NEK5: variants seen among roughly 807,000 people sequenced by gnomAD.
NEK5 encodes the protein NIMA related kinase 5.
Under a neutral mutation model 109.2 loss-of-function variants are expected in NEK5, and 88 were observed. The observed-to-expected ratio is 0.81, with a 90% CI of 0.68 to 0.96. The LOEUF (loss-of-function observed/expected upper bound fraction) is 0.96, where lower values mean the gene tolerates loss of function less well. Ranked by LOEUF, NEK5 falls within the 40% of genes least tolerant of loss-of-function variation. The probability of loss-of-function intolerance (pLI) is 0.00; values close to 1 mark genes in which losing one functional copy is unlikely to be tolerated. For synonymous variants in NEK5, 283 were observed against 299.9 expected (o/e 0.94, Z 0.58); for missense variants, 834 against 920.7 (o/e 0.91, Z 1.22).
chr13:52,082,311 A>T (rs1326159520), intron 17 of NEK5: 4 of 1,005,346 alleles, frequency 4.0e-6, no homozygotes, highest in Non-Finnish European at 5.3e-6. Context: ...GCGAAATTCC[A>T]TCTAAAAAAA....
intron 12 of NEK5, among the ~76,000 whole-genome samples, chr13:52,098,635 A>T (rs1015195923): frequency 6.6e-6 from 1 of 152,108 alleles, no homozygotes; most frequent in Non-Finnish European, 1.5e-5. Flanking sequence ...AATCCTATAC[A>T]TAATATGTTA....
intron 20 of NEK5, among the ~76,000 whole-genome samples, chr13:52,066,878 T>A (rs1954699650): frequency 1.3e-5 from 2 of 152,174 alleles, no homozygotes; most frequent in Non-Finnish European, 2.9e-5. Context: ...AACTCTTTTT[T>A]AAAAAATTTA....
chr13:52,056,143 A>C (rs1346266861), intron 22 of NEK5, among the ~76,000 whole-genome samples: 5 of 152,160 alleles, frequency 3.3e-5, no homozygotes, highest in African/African-American at 1.2e-4. Context: ...GCAGGGTTGC[A>C]ATCCTAGTCT....
At position 52,122,001 on chromosome 13, in the gene NEK5, A is replaced by T. The variant is rs532320313; in HGVS notation, c.118-2586T>A. Among the ~76,000 whole-genome samples, 5 of 151,962 alleles carry T rather than the reference A, an allele frequency of 3.3e-5. No individual in the cohort carries two copies. The South Asian group carries it at 1.0e-3, about 32-fold the overall frequency. Reference sequence around the variant, plus strand: ...AAGCTGGATTTTAACTCCTGGGGTCAAGGGATCCTCCCAACTCATCCTCCA... The same window carrying T: ...AAGCTGGATTTTAACTCCTGGGGTCTAGGGATCCTCCCAACTCATCCTCCA... On this transcript the variant is annotated intron_variant, in intron 3 of 23. Transcript: ENST00000684899.
intron 22 of NEK5, among the ~76,000 whole-genome samples, chr13:52,060,827 T>A (rs567008751): frequency 6.6e-6 from 1 of 152,300 alleles, no homozygotes; most frequent in African/African-American, 2.4e-5. Flanking sequence ...ATATCTGATA[T>A]AAGAACAAAC....
At chr13:52,089,183 ATCT>A in intron 14 of NEK5, 61 bp downstream of exon 14, 1 of 1,035,376 alleles carries the variant, frequency 9.7e-7, no homozygotes, top group Non-Finnish European at 1.5e-6. Context: ...TGACTTGAAA[ATCT>A]GTGAACAGAA....
In NEK5 at chr13:52,115,601, CAAAAAAAA is replaced by C. The variant is rs71088014; in HGVS notation, c.215-3244_215-3237del. 1.5e-3 allele frequency among the ~76,000 whole-genome samples: 73 copies of C among 49,222 alleles called. No individual in the cohort carries two copies. In the East Asian group the frequency reaches 0.015, roughly 10 times the overall value. 32.3% of individuals were successfully genotyped at this position (49,222 alleles called of 152,430 possible). A position where few individuals can be genotyped will look rare whatever the true frequency, so the allele number is the denominator to read the frequency against. On this transcript the variant is annotated intron_variant, in intron 4 of 23. Transcript: ENST00000684899. ...CCTGGGTGACAGAGTGAGACTCCGT[CAAAAAAAA>C]AAAAAAAAAAAAAAAAAAGAAACTA...
At chr13:52,123,569 C>T (rs1956009728) in intron 3 of NEK5, among the ~76,000 whole-genome samples, 1 of 152,212 alleles carries the variant, frequency 6.6e-6, no homozygotes, top group Admixed American at 6.5e-5. Context: ...AGTGAATCAT[C>T]TATCCAATAA....
At position 52,090,638 on chromosome 13, in the gene NEK5, A is replaced by G. The variant is rs117186667; in HGVS notation, c.1209-1325T>C. Among the ~76,000 whole-genome samples, 83 of 152,334 alleles carry G rather than the reference A, an allele frequency of 5.4e-4. 3 individuals carry two copies. The East Asian group carries it at 0.013, about 25-fold the overall frequency. On this transcript the variant is annotated intron_variant, in intron 13 of 23. Transcript: ENST00000684899. ...TGGCACATGTATCAATATCTTCATGAGAAAAATGATTCCAACACCCAGGGG... is the reference window on the plus strand; with the variant it reads ...TGGCACATGTATCAATATCTTCATGGGAAAAATGATTCCAACACCCAGGGG...
chr13:52,050,241 A>C lies in NEK5; in HGVS notation c.2111-20T>G. 1 of 924,884 alleles carries C rather than the reference A, an allele frequency of 1.1e-6. No homozygotes were observed. The highest frequency in any genetic ancestry group is 1.3e-6 in the Non-Finnish European group (1 of 774,344). 57.3% of individuals were successfully genotyped at this position (924,884 alleles called of 1,614,324 possible). ...CCATTGCTAAAGAAATGACAGAGAA[A>C]GATATGAAAGCATCCCAGCCTATAT... is the stretch of plus-strand genomic sequence containing the variant. On this transcript the variant is annotated intron_variant, in intron 22 of 23. Transcript: ENST00000684899.
At chr13:52,045,464 G>A (rs1004808806) in intron 23 of NEK5, among the ~76,000 whole-genome samples, 1 of 149,862 alleles carries the variant, frequency 6.7e-6, no homozygotes, top group African/African-American at 2.5e-5. Flanking sequence ...GGAGTTATTT[G>A]GGGAAAAAAA....
rs1955735197 is a variant in NEK5, at chr13:52,110,414, T to C, written c.397-4A>G. 2 of 1,612,838 alleles carry C rather than the reference T, an allele frequency of 1.2e-6. No homozygotes were observed. Among genetic ancestry groups the C allele is most frequent in the South Asian group, 1.1e-5 (1 of 91,042 alleles). On this transcript the variant is annotated splice_polypyrimidine_tract_variant and splice_region_variant and intron_variant, in intron 6 of 23. Transcript: ENST00000684899. Reference sequence around the variant, plus strand: ...CGTTCTTGCTAAGAAAAATGTTCTATAAATGGAGAAAATGTCATGTTGTTT... The same window carrying C: ...CGTTCTTGCTAAGAAAAATGTTCTACAAATGGAGAAAATGTCATGTTGTTT...
At position 52,127,454 on chromosome 13, in the gene NEK5, A is replaced by C. The variant is rs777864058; in HGVS notation, c.29T>G (p.Ile10Ser). 6.2e-7 allele frequency: 1 copy of C among 1,610,742 alleles called. No homozygotes were observed. Among genetic ancestry groups the C allele is most frequent in the South Asian group, 1.1e-5 (1 of 91,024 alleles). Reference protein sequence around the residue: MDKYDVIKAIGQGAFGKAYL... With the variant: MDKYDVIKASGQGAFGKAYL... Reference sequence around the variant, plus strand: ...TGCTTTCCCGAAGGCACCTTGCCCGATGGCCTTAATCACATCGTACTTATC... The same window carrying C: ...TGCTTTCCCGAAGGCACCTTGCCCGCTGGCCTTAATCACATCGTACTTATC... Residue 10 changes from isoleucine to serine, a missense_variant, in exon 3 of 24, where the codon ATC becomes AGC. Coordinates refer to ENST00000684899, the MANE Select transcript of NEK5 (RefSeq NM_001365552.1).
At position 52,037,079 on chromosome 13, in the gene NEK5, CCT is replaced by C. The variant is rs1377387856; in HGVS notation, c.2366_2367del (p.Glu789GlyfsTer8). 1.2e-5 allele frequency: 12 copies of C among 985,378 alleles called. No homozygotes were observed. The Admixed American group carries it at 2.5e-4, about 20-fold the overall frequency. 61.0% of individuals were successfully genotyped at this position (985,378 alleles called of 1,614,324 possible). ...TCTTCAGATTTCTGCATACTTATCC[CCT>C]CTCTTTCTCTTGACTTTCTAGAGTC... is the stretch of plus-strand genomic sequence containing the variant. ...SKDSRKSRER[E>X]GISMQKSEEL... On this transcript the variant is annotated frameshift_variant, in exon 24 of 24. Transcript: ENST00000684899. LOFTEE classifies it high-confidence loss of function.
rs555210860 is a variant in NEK5, at chr13:52,067,851, C to T, written c.1850-2242G>A. Among the ~76,000 whole-genome samples the T allele has an allele frequency of 1.3e-4, 20 of 152,032 alleles. No individual in the cohort carries two copies. The South Asian group carries it at 4.2e-3, about 32-fold the overall frequency. On this transcript the variant is annotated intron_variant, in intron 20 of 23. Transcript: ENST00000684899. ...AGATTACAGGTGTGCACCACCACAC[C>T]TGGCTAATTTTTGTATTTTTAGTAG...
chr13:52,061,212 G>A (rs1161547821), intron 22 of NEK5, among the ~76,000 whole-genome samples: 1 of 151,640 alleles, frequency 6.6e-6, no homozygotes, highest in Non-Finnish European at 1.5e-5. Flanking sequence ...TCTCTCACAT[G>A]CACAGTTCAC....
chr13:52,121,582 G>A (rs985676168), intron 3 of NEK5, among the ~76,000 whole-genome samples: 7 of 152,142 alleles, frequency 4.6e-5, no homozygotes, highest in Non-Finnish European at 8.8e-5. Flanking sequence ...AATAATGCAC[G>A]CTTGTTTTAA....
At chr13:52,084,374 T>A (rs1478373019) in intron 16 of NEK5, among the ~76,000 whole-genome samples, 2 of 152,076 alleles carry the variant, frequency 1.3e-5, no homozygotes, top group Non-Finnish European at 2.9e-5. Flanking sequence ...TTTGCCACCA[T>A]GACCCACTAA....
chr13:52,048,722 C>T (rs189144711), intron 23 of NEK5, among the ~76,000 whole-genome samples: 3 of 152,246 alleles, frequency 2.0e-5, no homozygotes, highest in Admixed American at 1.3e-4. Context: ...ATAAGCCAGA[C>T]ACAGAAAGAC....
Sources: allele counts gnomAD v4.1 joint callset (sites outside exome capture counted in the v4.1 genomes callset), GRCh38; gene constraint gnomAD v4.1.1; transcripts MANE v1.5; gene names NCBI Gene and HGNC (gene_info 2026-07-23, HGNC 2026-07-21).